Variants in MBOAT2 observed in about 807,000 individuals in gnomAD.
The protein encoded by MBOAT2 is membrane bound glycerophospholipid O-acyltransferase 2.
MBOAT2 carries 28 observed loss-of-function variants against 63.4 expected under a neutral mutation model. The observed-to-expected ratio is 0.44, with a 90% CI of 0.33 to 0.61. The LOEUF is 0.61. Among genes scored for constraint, MBOAT2 ranks in the 20% least tolerant of loss-of-function variants. MBOAT2 has a pLI of 0.03. For missense variants in MBOAT2, 470 were observed against 605.8 expected, an observed-to-expected ratio of 0.78 and a Z score of 2.35; for synonymous variants, 211 against 215.6, an observed-to-expected ratio of 0.98 and a Z score of 0.19.
At chr2:8,902,971 CAG>C (rs950848345) in intron 4 of MBOAT2, among the ~76,000 whole-genome samples, 3 of 152,158 alleles carry the variant, frequency 2.0e-5, no homozygotes, top group African/African-American at 7.2e-5. Flanking sequence ...GTCCATTTTA[CAG>C]AGTGCTGATT....
chr2:8,911,447 C>T (rs1368194752), intron 3 of MBOAT2, among the ~76,000 whole-genome samples: 2 of 152,178 alleles, frequency 1.3e-5, no homozygotes, highest in African/African-American at 2.4e-5. Flanking sequence ...TAACTCTTTA[C>T]ATCAAGAGCT....
chr2:8,858,685 C>G lies in MBOAT2; in HGVS notation c.1557G>C (p.Lys519Asn). ...QEIASRHSSL[K>N]Q Reference sequence around the variant, plus strand: ...GCCCTCAGAGCCTTCCCGATCACTGCTTTAGTGATGAATGTCTCGAGGCTA... The same window carrying G: ...GCCCTCAGAGCCTTCCCGATCACTGGTTTAGTGATGAATGTCTCGAGGCTA... Residue 519 changes from lysine to asparagine, a missense_variant, in exon 13 of 13, where the codon AAG becomes AAC. Physicochemically the swap from Lys to Asn is moderately conservative, Grantham distance 94. Around this residue, in one of 3 missense-constraint regions of MBOAT2, gnomAD observed 90 missense variants for 84.9 expected, o/e 1.06. Transcript: ENST00000305997. 1 of 1,608,510 alleles carries G rather than the reference C, an allele frequency of 6.2e-7. No individual in the cohort carries two copies. The highest frequency in any genetic ancestry group is 8.5e-7 in the Non-Finnish European group (1 of 1,176,236).
chr2:8,970,902 T>TCCAGGA (rs1373212952), intron 1 of MBOAT2, among the ~76,000 whole-genome samples: 5 of 150,926 alleles, frequency 3.3e-5, no homozygotes, highest in Admixed American at 1.3e-4. Flanking sequence ...CCAAAAAAAG[T>TCCAGGA]CCAGACACAT....
intron 1 of MBOAT2, among the ~76,000 whole-genome samples, chr2:9,001,475 C>T (rs1409321412): frequency 6.6e-6 from 1 of 152,162 alleles, no homozygotes; most frequent in African/African-American, 2.4e-5. Context: ...AATTGTTCAG[C>T]TCCATCATAA....
intron 3 of MBOAT2, among the ~76,000 whole-genome samples, chr2:8,922,728 C>T (rs1040225236): frequency 2.6e-5 from 4 of 152,256 alleles, no homozygotes; most frequent in African/African-American, 7.2e-5. Context: ...TACTTTCCCC[C>T]AGGTCCTCTC....
intron 3 of MBOAT2, among the ~76,000 whole-genome samples, chr2:8,926,446 G>A (rs1156294117): frequency 1.3e-5 from 2 of 152,328 alleles, no homozygotes; most frequent in South Asian, 2.1e-4. Flanking sequence ...AAAAGGCCTC[G>A]CCACAGAGGT....
intron 1 of MBOAT2, among the ~76,000 whole-genome samples, chr2:8,966,036 G>A (rs527643724): frequency 9.2e-5 from 14 of 152,184 alleles, no homozygotes; most frequent in East Asian, 3.9e-4. Context: ...TAACATTAAC[G>A]GATTTTTGAT....
chr2:8,948,859 G>A (rs564375148), intron 2 of MBOAT2, among the ~76,000 whole-genome samples: 1 of 152,340 alleles, frequency 6.6e-6, no homozygotes, highest in Non-Finnish European at 1.5e-5. Context: ...TATATACCCA[G>A]TAATGGGATT....
intron 2 of MBOAT2, 70 bp from the exon 3 acceptor site, chr2:8,943,334 C>A: frequency 1.1e-6 from 1 of 882,102 alleles, no homozygotes; most frequent in Non-Finnish European, 1.7e-6. Flanking sequence ...GTGAATTAAG[C>A]TAAAAAATAC....
chr2:8,893,451 G>A (rs1008465355), intron 4 of MBOAT2, among the ~76,000 whole-genome samples: 18 of 152,226 alleles, frequency 1.2e-4, no homozygotes, highest in African/African-American at 3.1e-4. Flanking sequence ...TTCTCAAAAC[G>A]GTTACCTATA....
chr2:8,862,213 A>G lies in MBOAT2; in HGVS notation c.1185+377T>C. ...CTTGGCCTCGCACAGCCTAGTCTTC[A>G]TCTGAGAGAGGACTCAAAGGTTACA... On this transcript the variant is annotated intron_variant, in intron 11 of 12. Transcript: ENST00000305997. This position sits in a 1 kb window ranked among gnomAD's most constrained non-coding sequence, Gnocchi z 4.3. The G allele has an allele frequency of 9.5e-7, 1 of 1,052,280 alleles. No homozygotes were observed. The highest frequency in any genetic ancestry group is 1.3e-6 in the Non-Finnish European group (1 of 797,196). The allele number at this position is 1,052,280 out of a possible 1,614,324, so 65.2% of individuals were successfully genotyped here.
intron 3 of MBOAT2, among the ~76,000 whole-genome samples, chr2:8,932,380 A>G (rs1239038108): frequency 1.3e-5 from 2 of 152,148 alleles, no homozygotes; most frequent in African/African-American, 4.8e-5. Context: ...ATTTTTAAAG[A>G]CTCCCAATAC....
intron 9 of MBOAT2, among the ~76,000 whole-genome samples, chr2:8,867,245 G>A (rs932417985): frequency 4.6e-5 from 7 of 152,030 alleles, no homozygotes; most frequent in Non-Finnish European, 8.8e-5. Context: ...TCAAACTCCT[G>A]AACTCAAATG....
intron 1 of MBOAT2, among the ~76,000 whole-genome samples, chr2:8,969,149 C>A (rs910940739): frequency 5.9e-5 from 9 of 152,208 alleles, no homozygotes; most frequent in Non-Finnish European, 8.8e-5. Context: ...CAAAGGGAAG[C>A]CCATCAGACT....
chr2:8,898,810 T>A (rs1438864551), intron 4 of MBOAT2, among the ~76,000 whole-genome samples: 1 of 152,168 alleles, frequency 6.6e-6, no homozygotes, highest in Non-Finnish European at 1.5e-5. Flanking sequence ...ATCCTTGAGG[T>A]CCAGAACAGT....
intron 5 of MBOAT2, among the ~76,000 whole-genome samples, chr2:8,885,035 T>G (rs905945715): frequency 6.6e-6 from 1 of 152,242 alleles, no homozygotes; most frequent in African/African-American, 2.4e-5. Flanking sequence ...ACTGCTGCTG[T>G]GTCTAACAGC....
chr2:8,866,609 C>T (rs770751250), intron 9 of MBOAT2, among the ~76,000 whole-genome samples: 1 of 152,222 alleles, frequency 6.6e-6, no homozygotes, highest in African/African-American at 2.4e-5. Context: ...AATTCCTCAA[C>T]ATTATCTAAT....
intron 1 of MBOAT2, among the ~76,000 whole-genome samples, chr2:8,980,261 A>G (rs1247595206): frequency 6.6e-6 from 1 of 152,154 alleles, no homozygotes; most frequent in Non-Finnish European, 1.5e-5. Flanking sequence ...CACAGTGGGA[A>G]TGTGTGCCAC....
intron 5 of MBOAT2, among the ~76,000 whole-genome samples, 156 bp from the exon 6 acceptor site, chr2:8,882,721 A>G (rs944343801): frequency 6.6e-6 from 1 of 152,216 alleles, no homozygotes; most frequent in African/African-American, 2.4e-5. Flanking sequence ...ATGGCAACAC[A>G]GCCTCGATCA....
Sources: gnomAD v4.1 joint callset for allele counts (sites outside exome capture counted in the v4.1 genomes callset) on GRCh38, gnomAD v4.1.1 for gene constraint, gnomAD v4.1.1 regional missense constraint, Gnocchi (gnomAD v3.1) non-coding constraint, MANE v1.5 for transcripts, NCBI Gene and HGNC (gene_info 2026-07-23, HGNC 2026-07-21) for gene names.